Variants in RGR observed in about 807,000 individuals in gnomAD.
RGR encodes RPE-retinal G protein-coupled receptor.
In RGR, 30 loss-of-function variants were observed where a neutral mutation model predicts 28.6. The ratio of observed to expected loss-of-function variants is 1.05; its 90% CI spans 0.78 to 1.42. The LOEUF (loss-of-function observed/expected upper bound fraction) is 1.42. Among genes scored for constraint, RGR ranks in the 40% most tolerant of loss-of-function variants. The probability of loss-of-function intolerance (pLI) is 0.00; values close to 1 mark genes in which losing one functional copy is unlikely to be tolerated. For missense variants in RGR, 404 were observed against 375.6 expected, an observed-to-expected ratio of 1.08 and a Z score of -0.62; for synonymous variants, 180 against 156.4, an observed-to-expected ratio of 1.15 and a Z score of -1.13.
Position 84,257,932 on chromosome 10 carries a change from T to G in RGR, c.670T>G (p.Trp224Gly). Residue 224 changes from tryptophan (W) to glycine (G), a missense_variant, in exon 6 of 7, where the codon TGG becomes GGG. Trp to Gly is a radical substitution (Grantham distance 184). Transcript: ENST00000652092. ...TLPARTLLLG[W>G]GPYAILYLYA... ...GCCAGCAAGGACGCTGCTGCTCGGC[T>G]GGGGCCCCTATGCCATCCTGTATCT... 6.2e-7 allele frequency: 1 copy of G among 1,614,204 alleles called. No homozygotes were observed. The highest frequency in any genetic ancestry group is 8.5e-7 in the Non-Finnish European group (1 of 1,180,028).
Position 84,249,026 on chromosome 10 carries a change from A to G in RGR, c.341A>G (p.Tyr114Cys), listed in dbSNP as rs778274122. The G allele has an allele frequency of 1.9e-6, 3 of 1,613,906 alleles. No homozygotes were observed. The highest frequency in any genetic ancestry group is 1.7e-5 in the Admixed American group (1 of 60,000). Residue 114 changes from tyrosine to cysteine, a missense_variant, in exon 3 of 7, where the codon TAT (tyrosine) becomes TGT (cysteine). Physicochemically the swap from Tyr to Cys is radical, Grantham distance 194 (BLOSUM62 -2). Coordinates refer to ENST00000652092, the MANE Select transcript of RGR (RefSeq NM_001012720.2). ...CSSAAIAWGR[Y>C]HHYCTRSQLA... The stretch of plus-strand genomic sequence containing the variant: ...AGTGCAGCCATCGCATGGGGGCGTT[A>G]TCACCACTACTGCACCCGTATGTAT...
chr10:84,258,436 G>A (rs1450580393), intron 6 of RGR, 72 bp from the exon 7 acceptor site: 8 of 1,612,280 alleles, frequency 5.0e-6, no homozygotes, highest in Non-Finnish European at 6.8e-6. Flanking sequence ...GGGTGACCGG[G>A]GTCACCAGGT....
chr10:84,249,435 C>T (rs1564549016), intron 3 of RGR, among the ~76,000 whole-genome samples: 1 of 152,192 alleles, frequency 6.6e-6, no homozygotes. Context: ...GCCTCAGCCT[C>T]CTGAGTAGCT....
chr10:84,250,129 A>G (rs1440079513), intron 3 of RGR, among the ~76,000 whole-genome samples: 3 of 152,168 alleles, frequency 2.0e-5, no homozygotes, highest in African/African-American at 7.2e-5. Flanking sequence ...AAGCAGAGGC[A>G]CAGAGAAGTT....
chr10:84,250,241 G>A, intron 3 of RGR: 2 of 667,970 alleles, frequency 3.0e-6, no homozygotes, highest in Non-Finnish European at 5.6e-6. Context: ...GCTGCTGTGA[G>A]GTCTATAGCC....
chr10:84,257,574 GACAA>G (rs961303952), intron 5 of RGR, among the ~76,000 whole-genome samples: 9 of 152,170 alleles, frequency 5.9e-5, no homozygotes, highest in African/African-American at 1.9e-4. Flanking sequence ...TTCTGTATTT[GACAA>G]ACAAAGAGTA....
At chr10:84,255,505 G>A (rs572249808) in intron 5 of RGR, 1 of 152,272 alleles carries the variant, frequency 6.6e-6, no homozygotes, top group East Asian at 1.9e-4. Flanking sequence ...CAACCTATAA[G>A]CACATTTGTC....
intron 3 of RGR, chr10:84,250,497 T>A: frequency 4.3e-6 from 3 of 705,606 alleles, no homozygotes; most frequent in Middle Eastern, 5.0e-4. Flanking sequence ...CTGCCCCTAA[T>A]GCTCCCTTGG....
chr10:84,253,649 TTTACCCATG>T (rs1842847418), intron 4 of RGR, among the ~76,000 whole-genome samples: 1 of 152,222 alleles, frequency 6.6e-6, no homozygotes, highest in Non-Finnish European at 1.5e-5. Flanking sequence ...ATTCATCTGC[TTTACCCATG>T]GTGTTTAATC....
At chr10:84,251,449 A>G (rs1021522299) in intron 3 of RGR, among the ~76,000 whole-genome samples, 3 of 152,168 alleles carry the variant, frequency 2.0e-5, no homozygotes, top group African/African-American at 7.2e-5. Flanking sequence ...AGGTGTCAGC[A>G]TGGTCAGGTT....
intron 6 of RGR, 67 bp downstream of exon 6, chr10:84,258,073 C>A: frequency 7.4e-7 from 1 of 1,357,422 alleles, no homozygotes; most frequent in South Asian, 1.2e-5. Flanking sequence ...CATCTCATCT[C>A]ACTTTCTGGA....
intron 3 of RGR, chr10:84,250,275 G>T (rs1279310765): frequency 1.1e-5 from 8 of 703,764 alleles, no homozygotes. Context: ...ACCATGGCAT[G>T]TCCTCTTTGG....
At chr10:84,258,072 T>C (rs749480060) in intron 6 of RGR, 66 bp downstream of exon 6, 1 of 1,366,446 alleles carries the variant, frequency 7.3e-7, no homozygotes, top group Non-Finnish European at 1.0e-6. Context: ...TCATCTCATC[T>C]CACTTTCTGG....
At chr10:84,258,044 C>T in intron 6 of RGR, 38 bp downstream of exon 6, 1 of 1,526,854 alleles carries the variant, frequency 6.5e-7, no homozygotes, top group South Asian at 1.1e-5. Flanking sequence ...AGACCCCTCT[C>T]CATCTTTGTT....
At chr10:84,258,036 A>G in intron 6 of RGR, 30 bp downstream of exon 6, 1 of 1,556,428 alleles carries the variant, frequency 6.4e-7, no homozygotes, top group Non-Finnish European at 8.9e-7. Flanking sequence ...CTAAAACTAG[A>G]CCCCTCTCCA....
At position 84,249,008 on chromosome 10, in the gene RGR, C is replaced by T; in HGVS notation, c.323C>T (p.Ala108Val). 1 of 1,614,030 alleles carries T rather than the reference C, an allele frequency of 6.2e-7. No individual in the cohort carries two copies. The highest frequency in any genetic ancestry group is 8.5e-7 in the Non-Finnish European group (1 of 1,179,936). Residue 108 changes from alanine (A) to valine (V), a missense_variant, in exon 3 of 7, where the codon GCC becomes GTC. Physicochemically the swap from Ala to Val is moderately conservative, Grantham distance 64. Transcript: ENST00000652092. ...TALASICSSA[A>V]IAWGRYHHYC... ...TTGGCCAGCATCTGCAGCAGTGCAG[C>T]CATCGCATGGGGGCGTTATCACCAC...
chr10:84,258,844 C>A lies in RGR; in HGVS notation c.*205C>A. 3.0e-6 allele frequency: 2 copies of A among 666,324 alleles called. No individual in the cohort carries two copies. Among genetic ancestry groups the A allele is most frequent in the Non-Finnish European group, 5.1e-6 (2 of 388,614 alleles). 41.3% of individuals were successfully genotyped at this position (666,324 alleles called of 1,614,324 possible). On this transcript the variant is annotated 3_prime_UTR_variant, in exon 7 of 7. Coordinates refer to ENST00000652092, the MANE Select transcript of RGR (RefSeq NM_001012720.2). ...TGAGTGTCGGTCACAGCCCCCTACA[C>A]TCAAGGCTGAGAGGCCTCAGGAAAG...
intron 3 of RGR, among the ~76,000 whole-genome samples, chr10:84,252,214 C>G (rs12267185): frequency 0.17 from 26,110 of 152,116 alleles, 4,690 homozygotes; most frequent in African/African-American, 0.46. Flanking sequence ...GCCATTGGCA[C>G]TGAGATTGAG....
At position 84,257,942 on chromosome 10, in the gene RGR, A is replaced by G. The variant is rs772430451; in HGVS notation, c.680A>G (p.Tyr227Cys). Residue 227 changes from tyrosine (Y) to cysteine (C), a missense_variant, in exon 6 of 7, where the codon TAT (tyrosine) becomes TGT (cysteine). Coordinates refer to ENST00000652092, the MANE Select transcript of RGR (RefSeq NM_001012720.2). ...ARTLLLGWGPYAILYLYAVIA... is the reference protein window; with the variant it reads ...ARTLLLGWGPCAILYLYAVIA... ...ACGCTGCTGCTCGGCTGGGGCCCCTATGCCATCCTGTATCTATACGCAGTC... is the reference window on the plus strand; with the variant it reads ...ACGCTGCTGCTCGGCTGGGGCCCCTGTGCCATCCTGTATCTATACGCAGTC... 6.8e-6 allele frequency: 11 copies of G among 1,614,034 alleles called. No homozygotes were observed. Among genetic ancestry groups the G allele is most frequent in the South Asian group, 5.5e-5 (5 of 91,082 alleles).
Sources: allele counts gnomAD v4.1 joint callset (sites outside exome capture counted in the v4.1 genomes callset), GRCh38; gene constraint gnomAD v4.1.1; transcripts MANE v1.5; gene names NCBI Gene and HGNC (gene_info 2026-07-23, HGNC 2026-07-21).